The following NAGPA variants were observed in gnomAD, a reference collection of about 807,000 sequenced individuals.
The protein encoded by NAGPA is N-acetylglucosamine-1-phosphodiester alpha-N-acetylglucosaminidase, also known as alpha-N-acetylglucosaminyl phosphodiesterase.
Under a neutral mutation model 48.5 loss-of-function variants are expected in NAGPA, and 56 were observed. The ratio of observed to expected loss-of-function variants is 1.15; its 90% CI spans 0.93 to 1.44. NAGPA has a LOEUF of 1.44. Ranked by LOEUF, NAGPA falls within the 40% of genes most tolerant of loss-of-function variation. NAGPA has a pLI of 0.00. For missense variants in NAGPA, 888 were observed against 735.0 expected (o/e 1.21, Z -2.41); for synonymous variants, 399 against 315.5 (o/e 1.26, Z -2.81).
At position 5,025,660 on chromosome 16, in the gene NAGPA, C is replaced by G. The variant is rs755264468; in HGVS notation, c.1366G>C (p.Ala456Pro). The change falls in exon 10 of 10, where the codon GCG (alanine) becomes CCG (proline). Residue 456 changes from alanine to proline, a missense_variant. Physicochemically the swap from Ala to Pro is conservative, Grantham distance 27. Transcript: ENST00000312251. Reference protein sequence around the residue: ...TRTAWLALTLALAFLLLISTA... With the variant: ...TRTAWLALTLPLAFLLLISTA... ...CTGATCAGCAGGAGGAAGGCCAGCG[C>G]CAGGGTGAGGGCTAGCCAGGCGGTC... 3.1e-6 allele frequency: 5 copies of G among 1,612,652 alleles called. No individual in the cohort carries two copies. Among genetic ancestry groups the G allele is most frequent in the Non-Finnish European group, 4.2e-6 (5 of 1,179,550 alleles).
chr16:5,030,701 A>T, intron 3 of NAGPA: 1 of 626,338 alleles, frequency 1.6e-6, no homozygotes, highest in Non-Finnish European at 2.9e-6. Context: ...AAGCTATGCC[A>T]GCCTCCAGGT....
intron 5 of NAGPA, 35 bp from the exon 6 acceptor site, chr16:5,028,220 C>T (rs1211886915): frequency 1.3e-6 from 2 of 1,543,224 alleles, no homozygotes; most frequent in Non-Finnish European, 1.7e-6. Context: ...GAGAGGACAC[C>T]CCCAGACGGC....
At chr16:5,031,611 A>C in intron 3 of NAGPA, 134 bp downstream of exon 3, 1 of 1,190,510 alleles carries the variant, frequency 8.4e-7, no homozygotes, top group African/African-American at 1.5e-5. Flanking sequence ...CCTCCCCATG[A>C]ATCCCCAGTA....
At position 5,027,336 on chromosome 16, in the gene NAGPA, AC is replaced by A. The variant is rs767783328; in HGVS notation, c.1217del (p.Cys406LeufsTer21). The part of the protein sequence containing the change: ...GWHGPGCQRP[C>X]KCEHHCPCDP... ...CACAGGGACAATGGTGCTCACACTT[AC>A]AAGGCCTCTGGCAGCCCGGCCCATG... On this transcript the variant is annotated frameshift_variant, in exon 8 of 10. Coordinates refer to ENST00000312251, the MANE Select transcript of NAGPA (RefSeq NM_016256.4). LOFTEE classifies it high-confidence loss of function. 6.2e-7 allele frequency: 1 copy of A among 1,614,154 alleles called. No individual in the cohort carries two copies. Among genetic ancestry groups the A allele is most frequent in the South Asian group, 1.1e-5 (1 of 91,086 alleles).
At position 5,033,321 on chromosome 16, in the gene NAGPA, AG is replaced by A; in HGVS notation, c.493del (p.Leu165CysfsTer35). On this transcript the variant is annotated frameshift_variant, in exon 2 of 10. Coordinates refer to ENST00000312251, the MANE Select transcript of NAGPA (RefSeq NM_016256.4). LOFTEE classifies it high-confidence loss of function. The surrounding 1 kb of genome is among the most constrained non-coding windows in gnomAD (Gnocchi z 4.2). ...DERRVSSSGG[L>X]QNAQFGIRRD... ...GCGGATCCCGAACTGCGCGTTCTGC[AG>A]CCCCCCGGAGCTGCTCACCCGCCGC... is the stretch of plus-strand genomic sequence containing the variant. 1.3e-6 allele frequency: 2 copies of A among 1,597,074 alleles called. No individual in the cohort carries two copies. The highest frequency in any genetic ancestry group is 1.7e-6 in the Non-Finnish European group (2 of 1,179,278).
At chr16:5,028,766 C>G in intron 5 of NAGPA, 114 bp downstream of exon 5, 1 of 1,549,268 alleles carries the variant, frequency 6.5e-7, no homozygotes, top group South Asian at 1.1e-5. Context: ...GCAATTTCTG[C>G]TCTCTTGAAC....
In NAGPA at chr16:5,028,137, A is replaced by G. The variant is rs1298384245; in HGVS notation, c.969T>C (p.Cys323=). The part of the protein sequence containing the change: ...RCPRQVSTVV[C]VHEPRCQPPD... The stretch of plus-strand genomic sequence containing the variant: ...GCGGCTGGCAGCGGGGTTCGTGCAC[A>G]CACACCACGGTGGACACTTGGCGGG... The change falls in exon 6 of 10, where the codon TGT becomes TGC. Residue 323 remains cysteine, a synonymous_variant. Transcript: ENST00000312251. 2 of 1,595,878 alleles carry G rather than the reference A, an allele frequency of 1.3e-6. No homozygotes were observed. The highest frequency in any genetic ancestry group is 2.7e-5 in the African/African-American group (2 of 74,534).
rs985903141 is a variant in NAGPA, at chr16:5,033,883, A to C, written c.32T>G (p.Leu11Arg). The change falls in exon 1 of 10, where the codon CTC becomes CGC. Residue 11 changes from leucine (L) to arginine (R), a missense_variant. By Grantham distance (102) the Leu-to-Arg change is moderately radical. Transcript: ENST00000312251. This position sits in a 1 kb window ranked among gnomAD's most constrained non-coding sequence, Gnocchi z 4.2. MATSTGRWLLLRLALFGFLWE... is the reference protein window; with the variant it reads MATSTGRWLLRRLALFGFLWE... ...GAGGAAGCCGAATAGTGCAAGCCGG[A>C]GGAGAAGCCAGCGACCCGTGGAGGT... is the stretch of plus-strand genomic sequence containing the variant. 1.9e-6 allele frequency: 3 copies of C among 1,549,246 alleles called. No individual in the cohort carries two copies. The highest frequency in any genetic ancestry group is 1.2e-5 in the South Asian group (1 of 83,988).
In NAGPA at chr16:5,033,641, G is replaced by T; in HGVS notation, c.174C>A (p.Asn58Lys). 1 of 1,538,968 alleles carries T rather than the reference G, an allele frequency of 6.5e-7. No homozygotes were observed. Among genetic ancestry groups the T allele is most frequent in the Non-Finnish European group, 8.7e-7 (1 of 1,153,990 alleles). Residue 58 changes from asparagine (N) to lysine (K), a missense_variant, in exon 2 of 10, where the codon AAC becomes AAA. By Grantham distance (94) the Asn-to-Lys change is moderately conservative. Coordinates refer to ENST00000312251, the MANE Select transcript of NAGPA (RefSeq NM_016256.4). The surrounding 1 kb of genome is among the most constrained non-coding windows in gnomAD (Gnocchi z 4.2). ...PRDCTRVRAG[N>K]REHESWPPPP... ...GCGGAGGCCAACTCTCGTGCTCGCG[G>T]TTGCCGGCGCGCACCCGTGTGCAGT...
intron 2 of NAGPA, among the ~76,000 whole-genome samples, chr16:5,032,375 C>A (rs1197024083): frequency 6.6e-6 from 1 of 152,064 alleles, no homozygotes; most frequent in Non-Finnish European, 1.5e-5. Flanking sequence ...ATCAATCTTG[C>A]CAGGGCGTGG....
chr16:5,030,573 T>G (rs1291136601), intron 3 of NAGPA, 80 bp from the exon 4 acceptor site: 33 of 1,153,346 alleles, frequency 2.9e-5, no homozygotes, highest in Non-Finnish European at 4.2e-5. Flanking sequence ...CCCACTGGTC[T>G]GAGCTACCTG....
chr16:5,025,337 GTGCTATCAGGAACT>G lies in NAGPA; in HGVS notation c.*127_*140del. 1 of 981,466 alleles carries G rather than the reference GTGCTATCAGGAACT, an allele frequency of 1.0e-6. No homozygotes were observed. Among genetic ancestry groups the G allele is most frequent in the Non-Finnish European group, 1.5e-6 (1 of 650,392 alleles). The allele number at this position is 981,466 out of a possible 1,614,324, so 60.8% of individuals were successfully genotyped here. On this transcript the variant is annotated 3_prime_UTR_variant, in exon 10 of 10. Transcript: ENST00000312251. ...GGCCAGGTGAGGGGCTGAGGCACAA[GTGCTATCAGGAACT>G]TGGCTGCCCCACAGGGGCTGAGGAC...
rs7188856 is a variant in NAGPA at position 5,025,632 on chromosome 16, G to A, written c.1394C>T (p.Thr465Ile). The A allele has an allele frequency of 0.33, 530,129 of 1,613,428 alleles. 92,173 individuals are homozygous for A. Among genetic ancestry groups the A allele is most frequent in the Non-Finnish European group, 0.36 (420,933 of 1,179,788 alleles). The change falls in exon 10 of 10, where the codon ACT (threonine) becomes ATT (isoleucine). Residue 465 changes from threonine (T) to isoleucine (I), a missense_variant. Coordinates refer to ENST00000312251, the MANE Select transcript of NAGPA (RefSeq NM_016256.4). ...CAGGAGCAAGGACAGGTTTGCTGCAGTGCTGATCAGCAGGAGGAAGGCCAG... is the reference window on the plus strand; with the variant it reads ...CAGGAGCAAGGACAGGTTTGCTGCAATGCTGATCAGCAGGAGGAAGGCCAG... ...LALAFLLLIS[T>I]AANLSLLLSR...
intron 9 of NAGPA, 77 bp downstream of exon 9, chr16:5,027,058 G>A: frequency 1.3e-6 from 2 of 1,546,094 alleles, no homozygotes; most frequent in South Asian, 1.1e-5. Flanking sequence ...GGGCAGAGAT[G>A]GACCTCACAG....
At position 5,027,910 on chromosome 16, in the gene NAGPA, G is replaced by A. The variant is rs201982190; in HGVS notation, c.1127-17C>T. On this transcript the variant is annotated splice_polypyrimidine_tract_variant and intron_variant, in intron 6 of 9. Transcript: ENST00000312251. ...GGCAGCCGGCTGCCGAGACAAGACC[G>A]GGGAGGCCAGGTGAGGGCCTAGGGC... The A allele has an allele frequency of 1.4e-5, 23 of 1,608,132 alleles. No individual in the cohort carries two copies. The highest frequency in any genetic ancestry group is 6.7e-5 in the East Asian group (3 of 44,504).
At position 5,033,066 on chromosome 16, in the gene NAGPA, C is replaced by T. The variant is rs1441831815; in HGVS notation, c.542+207G>A. On this transcript the variant is annotated intron_variant, in intron 2 of 9. Transcript: ENST00000312251. This position sits in a 1 kb window ranked among gnomAD's most constrained non-coding sequence, Gnocchi z 4.2. Reference sequence around the variant, plus strand: ...ACTGTGTTGTTCACGGCTATCTCACCGGGGCGCGGCACATTGCCTGATACA... The same window carrying T: ...ACTGTGTTGTTCACGGCTATCTCACTGGGGCGCGGCACATTGCCTGATACA... 4 of 639,140 alleles carry T rather than the reference C, an allele frequency of 6.3e-6. No individual in the cohort carries two copies. The African/African-American group carries it at 7.3e-5, about 12-fold the overall frequency. The allele number at this position is 639,140 out of a possible 1,614,324, so 39.6% of individuals were successfully genotyped here. A position where few individuals can be genotyped will look rare whatever the true frequency, so the allele number is the denominator to read the frequency against.
At chr16:5,025,720 G>A in intron 9 of NAGPA, 35 bp from the exon 10 acceptor site, 1 of 1,562,196 alleles carries the variant, frequency 6.4e-7, no homozygotes, top group South Asian at 1.2e-5. Flanking sequence ...GTGGGGGACT[G>A]CTGGGTGGGC....
At chr16:5,026,603 A>T (rs1248158755) in intron 9 of NAGPA, among the ~76,000 whole-genome samples, 2 of 152,230 alleles carry the variant, frequency 1.3e-5, no homozygotes. Flanking sequence ...TTAACTTTTT[A>T]AAAATTATGT....
chr16:5,025,150 C>A lies in NAGPA; in HGVS notation c.*328G>T, dbSNP rs771798795. 9.8e-6 allele frequency: 4 copies of A among 407,700 alleles called. No individual in the cohort carries two copies. The highest frequency in any genetic ancestry group is 2.0e-5 in the African/African-American group (1 of 49,496). 25.3% of individuals were successfully genotyped at this position (407,700 alleles called of 1,614,324 possible). ...CATGACGTGGTCACTGAGTCTGGTT[C>A]GTTGGCAGCCCCTTCCCCAGGAGGA... On this transcript the variant is annotated 3_prime_UTR_variant, in exon 10 of 10. Transcript: ENST00000312251.
Sources: allele counts gnomAD v4.1 joint callset (sites outside exome capture counted in the v4.1 genomes callset), GRCh38; gene constraint gnomAD v4.1.1; non-coding constraint Gnocchi (gnomAD v3.1); transcripts MANE v1.5; gene names NCBI Gene and HGNC (gene_info 2026-07-23, HGNC 2026-07-21).